The following DHRSX variants were observed in gnomAD, a reference collection of about 807,000 sequenced individuals.
DHRSX encodes dehydrogenase/reductase X-linked.
A neutral mutation model predicts 34.0 loss-of-function variants in DHRSX; 31 were observed. That is an observed-to-expected ratio of 0.91 (90% CI 0.69 to 1.23). The LOEUF (loss-of-function observed/expected upper bound fraction) is 1.23. Among genes scored for constraint, DHRSX ranks in the 50% most tolerant of loss-of-function variants. The pLI is 0.00. For synonymous variants in DHRSX, 201 were observed against 183.8 expected (o/e 1.09, Z -0.76); for missense variants, 414 against 428.1 (o/e 0.97, Z 0.29).
chrX:2,255,196 G>C (rs2041260357), intron 5 of DHRSX, among the ~76,000 whole-genome samples: 1 of 151,868 alleles, frequency 6.6e-6, no homozygotes, highest in African/African-American at 2.4e-5. Context: ...ATCTCAAAGA[G>C]AGGTCTTTGA....
chrX:2,335,352 G>A (rs1215125965), intron 3 of DHRSX, among the ~76,000 whole-genome samples: 1 of 151,862 alleles, frequency 6.6e-6, no homozygotes, highest in African/African-American at 2.4e-5. Flanking sequence ...GAGGTACACT[G>A]GTTCCATCCA....
At chrX:2,238,231 C>T (rs1185755543) in intron 6 of DHRSX, among the ~76,000 whole-genome samples, 1 of 152,108 alleles carries the variant, frequency 6.6e-6, no homozygotes, top group Non-Finnish European at 1.5e-5. Flanking sequence ...CTGGTGCATT[C>T]GTGTAGTCCC....
chrX:2,470,795 TTAA>T (rs1377587613), intron 1 of DHRSX, among the ~76,000 whole-genome samples: 1 of 152,206 alleles, frequency 6.6e-6, no homozygotes, highest in Non-Finnish European at 1.5e-5. Context: ...GTGATGATAG[TTAA>T]TAATACATCA....
chrX:2,238,509 A>T (rs940523543), intron 6 of DHRSX, among the ~76,000 whole-genome samples: 2 of 152,178 alleles, frequency 1.3e-5, no homozygotes, highest in Non-Finnish European at 2.9e-5. Flanking sequence ...AGATGATATG[A>T]AACATCACAG....
At chrX:2,476,839 C>A (rs1012416333) in intron 1 of DHRSX, among the ~76,000 whole-genome samples, 1 of 152,026 alleles carries the variant, frequency 6.6e-6, no homozygotes, top group Non-Finnish European at 1.5e-5. Flanking sequence ...CCCGTCTCTA[C>A]TAAAAATACA....
chrX:2,249,935 T>A (rs1179999463), intron 5 of DHRSX, among the ~76,000 whole-genome samples: 1 of 151,714 alleles, frequency 6.6e-6, no homozygotes, highest in East Asian at 2.0e-4. Flanking sequence ...AGGCCAAGGC[T>A]GGCAGATCAC....
intron 3 of DHRSX, among the ~76,000 whole-genome samples, chrX:2,355,663 G>A (rs2042841910): frequency 6.6e-6 from 1 of 151,728 alleles, no homozygotes; most frequent in Non-Finnish European, 1.5e-5. Context: ...TTAACAAAAG[G>A]GTTAATGCGG....
At chrX:2,488,890 G>A (rs774432481) in intron 1 of DHRSX, 17 of 1,610,288 alleles carry the variant, frequency 1.1e-5, no homozygotes, top group Middle Eastern at 1.7e-4. Flanking sequence ...TGGCCGTCAC[G>A]CACCAGTACT....
intron 1 of DHRSX, among the ~76,000 whole-genome samples, chrX:2,458,681 A>G (rs5982961): frequency 0.25 from 37,227 of 151,710 alleles, 5,286 homozygotes; most frequent in African/African-American, 0.38. Flanking sequence ...ATGCTTCATG[A>G]AGTGTTTGGC....
Position 2,464,222 on chromosome X carries a change from G to A in DHRSX, c.109+36595C>T, listed in dbSNP as rs191377337. The stretch of plus-strand genomic sequence containing the variant: ...AAGGGACCGCCGTGTACACACTTAA[G>A]ACATTCCCTAAGCACGTGGCCCAAG... On this transcript the variant is annotated intron_variant, in intron 1 of 6. Coordinates refer to ENST00000334651, the MANE Select transcript of DHRSX (RefSeq NM_145177.3). Among the ~76,000 whole-genome samples, 219 of 150,282 alleles carry A rather than the reference G, an allele frequency of 1.5e-3. 1 individual carries two copies. Among genetic ancestry groups the A allele is most frequent in the Non-Finnish European group, 2.5e-3 (169 of 67,760 alleles).
intron 3 of DHRSX, among the ~76,000 whole-genome samples, chrX:2,327,897 G>A (rs1602951421): frequency 6.6e-6 from 1 of 152,012 alleles, no homozygotes; most frequent in East Asian, 1.9e-4. Context: ...TGGCTAACAC[G>A]GTGAAACTCC....
At chrX:2,474,281 T>C (rs2044639055) in intron 1 of DHRSX, among the ~76,000 whole-genome samples, 1 of 151,968 alleles carries the variant, frequency 6.6e-6, no homozygotes, top group Admixed American at 6.6e-5. Flanking sequence ...ACCATCGCCA[T>C]GTACACAATC....
intron 4 of DHRSX, among the ~76,000 whole-genome samples, chrX:2,290,710 C>T (rs1436942691): frequency 1.3e-5 from 2 of 152,156 alleles, no homozygotes; most frequent in African/African-American, 4.8e-5. Context: ...GAAAGTGATG[C>T]GTTAAATTCT....
intron 4 of DHRSX, among the ~76,000 whole-genome samples, chrX:2,287,402 T>G (rs2041816195): frequency 6.7e-6 from 1 of 149,814 alleles, no homozygotes; most frequent in Admixed American, 6.6e-5. Flanking sequence ...CCCAAAGATG[T>G]CCACATCCCA....
intron 6 of DHRSX, among the ~76,000 whole-genome samples, chrX:2,227,594 GA>G (rs371762118): frequency 0.073 from 4,982 of 68,090 alleles, 151 homozygotes; most frequent in African/African-American, 0.098. Flanking sequence ...GATGAAAAAA[GA>G]AAAAAAAACA....
At chrX:2,337,083 C>T (rs1331341337) in intron 3 of DHRSX, among the ~76,000 whole-genome samples, 2 of 152,016 alleles carry the variant, frequency 1.3e-5, no homozygotes, top group African/African-American at 4.8e-5. Context: ...GGATTACAGG[C>T]GTGAGCCACC....
intron 6 of DHRSX, among the ~76,000 whole-genome samples, chrX:2,224,195 T>C (rs2015583684): frequency 6.6e-6 from 1 of 152,222 alleles, no homozygotes. Context: ...ACCTGTGTCT[T>C]GACCATGTAG....
intron 1 of DHRSX, chrX:2,488,446 A>G: frequency 2.7e-6 from 2 of 737,292 alleles, no homozygotes; most frequent in Non-Finnish European, 4.2e-6. Flanking sequence ...AAGTGCTGCG[A>G]TTATAGACAG....
At chrX:2,244,004 C>T (rs1874655625) in intron 5 of DHRSX, among the ~76,000 whole-genome samples, 1 of 151,650 alleles carries the variant, frequency 6.6e-6, no homozygotes, top group Non-Finnish European at 1.5e-5. Context: ...CTCCTGACCT[C>T]GGGTGATCCA....
Sources: allele counts gnomAD v4.1 joint callset (sites outside exome capture counted in the v4.1 genomes callset), GRCh38; gene constraint gnomAD v4.1.1; transcripts MANE v1.5; gene names NCBI Gene and HGNC (gene_info 2026-07-23, HGNC 2026-07-21).